Variants in MTERF4 observed in about 807,000 individuals in gnomAD.
MTERF4 encodes the protein mitochondrial transcription termination factor 4.
A neutral mutation model predicts 22.5 loss-of-function variants in MTERF4; 17 were observed. The ratio of observed to expected loss-of-function variants is 0.75; its 90% CI spans 0.52 to 1.13. The LOEUF is 1.13. Among genes scored for constraint, MTERF4 ranks in the 50% most tolerant of loss-of-function variants. The pLI, the probability that MTERF4 is intolerant of heterozygous loss-of-function variation, is 0.00. For synonymous variants in MTERF4, 165 were observed against 175.3 expected, an observed-to-expected ratio of 0.94 and a Z score of 0.47; for missense variants, 420 against 466.8, an observed-to-expected ratio of 0.90 and a Z score of 0.92.
intron 1 of MTERF4, among the ~76,000 whole-genome samples, chr2:241,101,617 G>A (rs956060613): frequency 5.3e-5 from 8 of 152,248 alleles, no homozygotes; most frequent in Non-Finnish European, 1.2e-4. Flanking sequence ...TGCTCCCTCC[G>A]CCAGGAACAC....
chr2:241,065,291 C>T, the MTERF4 span: 5 of 1,612,378 alleles, frequency 3.1e-6, no homozygotes, highest in Non-Finnish European at 3.4e-6. Flanking sequence ...TTGACCCAAA[C>T]CCTGAAGAGC....
rs1021146108 is a variant in MTERF4 at position 241,100,726 on chromosome 2, A to G, written c.22-832T>C. On this transcript the variant is annotated intron_variant, in intron 1 of 3. Transcript: ENST00000391980. ...ACTTTAAGAATACAGAATGCAATAT[A>G]TATATATACAAGATATGTGTTAACT... 3.2e-4 allele frequency among the ~76,000 whole-genome samples: 48 copies of G among 152,136 alleles called. 1 individual carries two copies. Among genetic ancestry groups the G allele is most frequent in the African/African-American group, 1.2e-3 (48 of 41,396 alleles).
At chr2:241,066,298 G>A in the MTERF4 span, among the ~76,000 whole-genome samples, 31 of 152,200 alleles carry the variant, frequency 2.0e-4, no homozygotes, top group Non-Finnish European at 2.2e-4. Context: ...TAGGGAAGGC[G>A]TCAGGGCTTA....
At chr2:241,049,279 A>G in the MTERF4 span, 2 of 631,878 alleles carry the variant, frequency 3.2e-6, no homozygotes, top group South Asian at 1.9e-5. Flanking sequence ...GCCTCTCTCA[A>G]TAGCCTTCCT....
chr2:241,081,401 TCTC>T (rs1467678633), intron 4 of MTERF4, among the ~76,000 whole-genome samples: 2 of 152,124 alleles, frequency 1.3e-5, no homozygotes, highest in African/African-American at 4.8e-5. Context: ...CCCTCCTCCT[TCTC>T]CTCCTCCTTG....
downstream of MTERF4, chr2:241,068,945 C>G: frequency 6.4e-7 from 1 of 1,555,514 alleles, no homozygotes; most frequent in Non-Finnish European, 8.7e-7. The surrounding 1 kb of genome is among the most constrained non-coding windows in gnomAD (Gnocchi z 5.3). Context: ...CACCATCCAG[C>G]TGACCACCCT....
chr2:241,068,859 A>T (rs1226679033), downstream of MTERF4: 3 of 1,295,660 alleles, frequency 2.3e-6, no homozygotes, highest in Non-Finnish European at 3.2e-6. This position sits in a 1 kb window ranked among gnomAD's most constrained non-coding sequence, Gnocchi z 5.3. Context: ...CAGCAGAGTC[A>T]CACACAGGTC....
chr2:241,068,474 C>G (rs1307253746), downstream of MTERF4, among the ~76,000 whole-genome samples: 1 of 152,062 alleles, frequency 6.6e-6, no homozygotes, highest in Non-Finnish European at 1.5e-5. This position sits in a 1 kb window ranked among gnomAD's most constrained non-coding sequence, Gnocchi z 5.3. Flanking sequence ...AGGAAAAGAT[C>G]GGAGAGCGAG....
chr2:241,051,457 C>T, the MTERF4 span: 44 of 342,948 alleles, frequency 1.3e-4, no homozygotes, highest in South Asian at 1.3e-4. The surrounding 1 kb of genome is among the most constrained non-coding windows in gnomAD (Gnocchi z 4.7). Flanking sequence ...GTGTTGGGGC[C>T]GGTTCTCCAC....
chr2:241,069,142 G>A, downstream of MTERF4: 1 of 670,464 alleles, frequency 1.5e-6, no homozygotes, highest in Non-Finnish European at 2.5e-6. This position sits in a 1 kb window ranked among gnomAD's most constrained non-coding sequence, Gnocchi z 4.9. Flanking sequence ...CCAGCCCCTG[G>A]CCTCCCAGAT....
the MTERF4 span, among the ~76,000 whole-genome samples, chr2:241,054,245 C>T: frequency 6.6e-6 from 1 of 152,134 alleles, no homozygotes; most frequent in African/African-American, 2.4e-5. Flanking sequence ...AGAATATGAG[C>T]AACCAGCCAG....
At chr2:241,086,331 G>A (rs1376303208), downstream of MTERF4, among the ~76,000 whole-genome samples, 3 of 150,346 alleles carry the variant, frequency 2.0e-5, no homozygotes, top group Non-Finnish European at 3.0e-5. Context: ...CACAGATTCT[G>A]GAGTTCCTCC....
rs1160454787 is a variant in MTERF4 at position 241,095,714 on chromosome 2, T to C, written c.*284A>G. The C allele has an allele frequency of 7.5e-6, 3 of 399,700 alleles. No homozygotes were observed. The highest frequency in any genetic ancestry group is 1.3e-5 in the Non-Finnish European group (3 of 225,234). 24.8% of individuals were successfully genotyped at this position (399,700 alleles called of 1,614,324 possible). A position where few individuals can be genotyped will look rare whatever the true frequency, so the allele number is the denominator to read the frequency against. On this transcript the variant is annotated 3_prime_UTR_variant, in exon 4 of 4. Transcript: ENST00000391980. ...AAAAAAATAAAACCAATTGTTGATA[T>C]ATTGAGTCCCCTTGATGTGAATAGC...
chr2:241,073,314 G>C lies in MTERF4; in HGVS notation n.2848C>G. 5 of 1,573,874 alleles carry C rather than the reference G, an allele frequency of 3.2e-6. No homozygotes were observed. Among genetic ancestry groups the C allele is most frequent in the South Asian group, 1.2e-5 (1 of 85,346 alleles). On this transcript the variant is annotated non_coding_transcript_exon_variant, in exon 5 of 5. Transcript: ENST00000464344. The surrounding 1 kb of genome is among the most constrained non-coding windows in gnomAD (Gnocchi z 6.6). ...GAGAACATGGAGGAAGCCCCCAAGC[G>C]GGTCAGCCTGGCCCTCCAGCTCCCT...
At chr2:241,064,140 C>T in the MTERF4 span, 15 of 1,493,194 alleles carry the variant, frequency 1.0e-5, no homozygotes, top group East Asian at 5.0e-5. The surrounding 1 kb of genome is among the most constrained non-coding windows in gnomAD (Gnocchi z 7.0). Flanking sequence ...GGCGGCAGGC[C>T]TGCCTGCTCC....
chr2:241,079,339 G>C (rs2063211272), intron 4 of MTERF4, among the ~76,000 whole-genome samples: 1 of 151,300 alleles, frequency 6.6e-6, no homozygotes, highest in South Asian at 2.1e-4. Context: ...ATGAACCCAG[G>C]AGGCGGAGCT....
chr2:241,049,162 GGGC>G, the MTERF4 span: 1 of 1,573,270 alleles, frequency 6.4e-7, no homozygotes, highest in South Asian at 1.1e-5. Flanking sequence ...CGAGCCTGCT[GGGC>G]CGGGGGCCCG....
At chr2:241,087,357 C>T (rs2063636325), downstream of MTERF4, 1 of 1,560,608 alleles carries the variant, frequency 6.4e-7, no homozygotes, top group East Asian at 2.4e-5. Context: ...TTTTGCTTCA[C>T]TGTCTGGTTT....
the MTERF4 span, among the ~76,000 whole-genome samples, chr2:241,062,450 T>C: frequency 6.6e-6 from 1 of 152,238 alleles, no homozygotes; most frequent in Admixed American, 6.5e-5. Flanking sequence ...GTGACTATTA[T>C]ACATTGAAAT....
Sources: gnomAD v4.1 joint callset for allele counts (sites outside exome capture counted in the v4.1 genomes callset) on GRCh38, gnomAD v4.1.1 for gene constraint, Gnocchi (gnomAD v3.1) non-coding constraint, MANE v1.5 for transcripts, NCBI Gene and HGNC (gene_info 2026-07-23, HGNC 2026-07-21) for gene names.